CLCN2: variants seen among roughly 807,000 people sequenced by gnomAD.
CLCN2 encodes the protein chloride voltage-gated channel 2.
Under a neutral mutation model 108.3 loss-of-function variants are expected in CLCN2, and 72 were observed. That is an observed-to-expected ratio of 0.66 (90% CI 0.55 to 0.81). The LOEUF is 0.81. CLCN2 is among the 30% of genes least tolerant of loss of function. CLCN2 has a pLI of 0.00. For missense variants in CLCN2, 1,048 were observed against 1,205.2 expected, an observed-to-expected ratio of 0.87 and a Z score of 1.93; for synonymous variants, 471 against 467.1, an observed-to-expected ratio of 1.01 and a Z score of -0.11.
In CLCN2 at chr3:184,357,895, G is replaced by A. The variant is rs750047316; in HGVS notation, c.616-39C>T. 25 of 1,613,334 alleles carry A rather than the reference G, an allele frequency of 1.5e-5. No homozygotes were observed. The East Asian group carries it at 1.6e-4, about 10-fold the overall frequency. On this transcript the variant is annotated intron_variant, in intron 5 of 23. Transcript: ENST00000265593. ...CAGGCGGTGAGTCGGGAGGGGGCCCGCCCTGACCTTGGCCTGGCCTCCTCT... is the reference window on the plus strand; with the variant it reads ...CAGGCGGTGAGTCGGGAGGGGGCCCACCCTGACCTTGGCCTGGCCTCCTCT...
Position 184,357,996 on chromosome 3 carries a change from C to A in CLCN2, c.581G>T (p.Cys194Phe). 1 of 1,614,070 alleles carries A rather than the reference C, an allele frequency of 6.2e-7. No individual in the cohort carries two copies. Among genetic ancestry groups the A allele is most frequent in the East Asian group, 2.2e-5 (1 of 44,880 alleles). ...AAGCGGCATCCCGCTGCCTAGGGCG[C>A]AGGTCAGCCCAATGACCTTAGCTAT... ...TFIAKVIGLT[C>F]ALGSGMPLGK... The change falls in exon 5 of 24, where the codon TGC becomes TTC. Residue 194 changes from cysteine to phenylalanine, a missense_variant. Transcript: ENST00000265593.
chr3:184,353,455 G>C (rs1344760044), intron 16 of CLCN2, 33 bp from the exon 17 acceptor site: 2 of 1,578,936 alleles, frequency 1.3e-6, no homozygotes, highest in Admixed American at 3.7e-5. Flanking sequence ...CTCAGGAGCT[G>C]AGAGGGAGCC....
rs187963238 is a variant in CLCN2, at chr3:184,352,871, A to C, written c.2144-61T>G. 108 of 1,596,192 alleles carry C rather than the reference A, an allele frequency of 6.8e-5. No individual in the cohort carries two copies. The African/African-American group carries it at 1.2e-3, about 18-fold the overall frequency. ...TCATCTTTTGGGGAGAGGACCAGGA[A>C]AGGTAAGGAAGACACAGGGAGAGGT... is the stretch of plus-strand genomic sequence containing the variant. On this transcript the variant is annotated intron_variant, in intron 18 of 23. Coordinates refer to ENST00000265593, the MANE Select transcript of CLCN2 (RefSeq NM_004366.6).
chr3:184,347,023 T>C lies in CLCN2; in HGVS notation c.2416-2A>G, dbSNP rs1422121731. Reference sequence around the variant, plus strand: ...CAGCAGTGAGAAGATAGTGTGAGTCTGCAGTGTGGGGAGAAAAGCGATTGG... The same window carrying C: ...CAGCAGTGAGAAGATAGTGTGAGTCCGCAGTGTGGGGAGAAAAGCGATTGG... On this transcript the variant is annotated splice_acceptor_variant, in intron 22 of 23. Transcript: ENST00000265593. LOFTEE classifies it high-confidence loss of function. The C allele has an allele frequency of 6.2e-7, 1 of 1,613,268 alleles. No homozygotes were observed. Among genetic ancestry groups the C allele is most frequent in the Non-Finnish European group, 8.5e-7 (1 of 1,179,280 alleles).
At position 184,352,276 on chromosome 3, in the gene CLCN2, G is replaced by A. The variant is rs200030519; in HGVS notation, c.2310+17C>T. On this transcript the variant is annotated intron_variant, in intron 21 of 23. Transcript: ENST00000265593. ...CAACCAGGAAGAAACAGGGTCCAGAGTCCAGTGGCACCTTACCTCTTCAGG... is the reference window on the plus strand; with the variant it reads ...CAACCAGGAAGAAACAGGGTCCAGAATCCAGTGGCACCTTACCTCTTCAGG... 35 of 1,613,432 alleles carry A rather than the reference G, an allele frequency of 2.2e-5. 1 individual carries two copies. In the East Asian group the frequency reaches 7.1e-4, roughly 33 times the overall value.
At chr3:184,349,607 T>C (rs1218539291) in intron 22 of CLCN2, 2 of 152,230 alleles carry the variant, frequency 1.3e-5, no homozygotes, top group Non-Finnish European at 2.9e-5. Context: ...TCAGTATAAG[T>C]AGTAGGAGTA....
At chr3:184,354,727 A>T in intron 13 of CLCN2, 69 bp from the exon 14 acceptor site, 1 of 1,367,556 alleles carries the variant, frequency 7.3e-7, no homozygotes, top group Non-Finnish European at 1.0e-6. Flanking sequence ...AGGAAGAGAG[A>T]GGGTCAGAGG....
At chr3:184,356,880 C>A (rs994948715) in intron 10 of CLCN2, 113 bp downstream of exon 10, 2 of 755,144 alleles carry the variant, frequency 2.6e-6, no homozygotes, top group Non-Finnish European at 2.4e-6. Flanking sequence ...TGGCTGATTT[C>A]TCAGTGAAGT....
chr3:184,353,500 G>C, intron 16 of CLCN2, 78 bp from the exon 17 acceptor site: 1 of 1,548,250 alleles, frequency 6.5e-7, no homozygotes, highest in Non-Finnish European at 8.8e-7. Context: ...CTCAGAGTGG[G>C]GGGCCTTGCA....
intron 10 of CLCN2, chr3:184,356,764 C>G: frequency 1.8e-6 from 1 of 557,414 alleles, no homozygotes; most frequent in South Asian, 2.0e-5. Context: ...AGGCCTTAGT[C>G]TTTGATTCCC....
At position 184,346,685 on chromosome 3, in the gene CLCN2, T is replaced by C. The variant is rs553275513; in HGVS notation, c.2618A>G (p.His873Arg). The C allele has an allele frequency of 1.9e-6, 3 of 1,614,146 alleles. No homozygotes were observed. Among genetic ancestry groups the C allele is most frequent in the East Asian group, 2.2e-5 (1 of 44,868 alleles). The change falls in exon 24 of 24, where the codon CAT (histidine) becomes CGT (arginine). Residue 873 changes from histidine (H) to arginine (R), a missense_variant. Physicochemically the swap from His to Arg is conservative, Grantham distance 29. Transcript: ENST00000265593. This position sits in a 1 kb window ranked among gnomAD's most constrained non-coding sequence, Gnocchi z 6.0. ...ACGGGAGTGGGGCCCCCAGAGTGCA[T>C]GCACCTCAGTGGTCTCCGTGTCACT... ...SSSDTETTEV[H>R]ALWGPHSRHG... is the part of the protein sequence containing the mutation.
chr3:184,354,009 G>C, intron 15 of CLCN2, 92 bp downstream of exon 15: 1 of 1,433,192 alleles, frequency 7.0e-7, no homozygotes, highest in Non-Finnish European at 9.7e-7. Flanking sequence ...CAGCTTCGTA[G>C]GCTCCAGGAC....
chr3:184,351,908 C>T (rs1158926355), intron 22 of CLCN2, 105 bp downstream of exon 22: 1 of 849,218 alleles, frequency 1.2e-6, no homozygotes, highest in African/African-American at 1.7e-5. Context: ...ACTCCCTTCT[C>T]CTCCCTCCTT....
At chr3:184,358,450 T>C in intron 3 of CLCN2, 140 bp from the exon 4 acceptor site, 1 of 1,301,178 alleles carries the variant, frequency 7.7e-7, no homozygotes, top group Non-Finnish European at 1.1e-6. Flanking sequence ...TCCCTGAGGG[T>C]ATTCACTGGG....
chr3:184,356,836 T>C (rs574354623), intron 10 of CLCN2, 157 bp downstream of exon 10: 3 of 664,802 alleles, frequency 4.5e-6, no homozygotes, highest in East Asian at 5.5e-5. Context: ...TTCATATGAA[T>C]ATAAAAATGC....
In CLCN2 at chr3:184,357,391, C is replaced by T. The variant is rs553018579; in HGVS notation, c.869G>A (p.Arg290Gln). 24 of 1,614,078 alleles carry T rather than the reference C, an allele frequency of 1.5e-5. No individual in the cohort carries two copies. Among genetic ancestry groups the T allele is most frequent in the Middle Eastern group, 3.3e-4 (2 of 6,062 alleles). The change falls in exon 8 of 24, where the codon CGG becomes CAG. Residue 290 changes from arginine to glutamine, a missense_variant. By Grantham distance (43) the Arg-to-Gln change is conservative. Coordinates refer to ENST00000265593, the MANE Select transcript of CLCN2 (RefSeq NM_004366.6). ...ATCCCGGTTCCAGACTGCCAAGACC[C>T]GGAAGATGAAGGCACTGAAGGTGGC... The part of the protein sequence containing the change: ...FAATFSAFIF[R>Q]VLAVWNRDEE...
intron 2 of CLCN2, 41 bp from the exon 3 acceptor site, chr3:184,358,854 A>C (rs776843271): frequency 4.3e-6 from 7 of 1,613,868 alleles, no homozygotes; most frequent in Admixed American, 1.7e-5. Context: ...ATGGCACCAA[A>C]GTGCTCCTAC....
intron 22 of CLCN2, among the ~76,000 whole-genome samples, chr3:184,351,016 T>C (rs1349017538): frequency 1.3e-5 from 2 of 152,162 alleles, no homozygotes; most frequent in Non-Finnish European, 2.9e-5. Context: ...CTATTACCTT[T>C]TTTCTTGCAA....
chr3:184,348,428 A>C (rs1727846831), intron 22 of CLCN2: 1 of 146,500 alleles, frequency 6.8e-6, no homozygotes, highest in African/African-American at 2.5e-5. Flanking sequence ...CAGAGGCTAT[A>C]GTGAGCCATG....
Sources: gnomAD v4.1 joint callset for allele counts (sites outside exome capture counted in the v4.1 genomes callset) on GRCh38, gnomAD v4.1.1 for gene constraint, Gnocchi (gnomAD v3.1) non-coding constraint, MANE v1.5 for transcripts, NCBI Gene and HGNC (gene_info 2026-07-23, HGNC 2026-07-21) for gene names.